Variants in GTPBP4 observed in about 807,000 individuals in gnomAD.
The protein encoded by GTPBP4 is GTP binding protein 4, also known as GTP-binding protein 4.
In GTPBP4, 15 loss-of-function variants were observed where a neutral mutation model predicts 81.7. The ratio of observed to expected loss-of-function variants is 0.18; its 90% CI spans 0.12 to 0.28. The LOEUF (loss-of-function observed/expected upper bound fraction) is 0.28, where lower values mean the gene tolerates loss of function less well. GTPBP4 is among the 10% of genes least tolerant of loss of function. The pLI is 1.00. For synonymous variants in GTPBP4, 272 were observed against 274.6 expected (o/e 0.99, Z 0.09); for missense variants, 847 against 793.8 (o/e 1.07, Z -0.81).
Position 1,007,134 on chromosome 10 carries a change from A to T in GTPBP4, c.1113+6A>T. Reference sequence around the variant, plus strand: ...CAACCAGGAGGGACGATAAGGTAAGACGGCCCCTGGGACAGCCGTGGGCTC... The same window carrying T: ...CAACCAGGAGGGACGATAAGGTAAGTCGGCCCCTGGGACAGCCGTGGGCTC... On this transcript the variant is annotated splice_donor_region_variant and intron_variant, in intron 10 of 16. Transcript: ENST00000360803. 1 of 1,500,950 alleles carries T rather than the reference A, an allele frequency of 6.7e-7. No homozygotes were observed. Among genetic ancestry groups the T allele is most frequent in the Non-Finnish European group, 9.3e-7 (1 of 1,076,660 alleles). 93.0% of individuals were successfully genotyped at this position (1,500,950 alleles called of 1,614,324 possible). A position where few individuals can be genotyped will look rare whatever the true frequency, so the allele number is the denominator to read the frequency against.
intron 16 of GTPBP4, 126 bp downstream of exon 16, chr10:1,016,022 C>G: frequency 1.2e-6 from 1 of 868,212 alleles, no homozygotes; most frequent in Non-Finnish European, 1.8e-6. Flanking sequence ...TACTGCATGC[C>G]CTCGTTTTGT....
At chr10:988,681 A>G (rs1253307754) in intron 1 of GTPBP4, 154 bp downstream of exon 1, 4 of 630,710 alleles carry the variant, frequency 6.3e-6, no homozygotes, top group Non-Finnish European at 1.1e-5. Flanking sequence ...ACTCGGGATC[A>G]TTTCCCCTCC....
chr10:1,019,056 T>C lies in GTPBP4; in HGVS notation c.*1829T>C, dbSNP rs1832041814. The C allele has an allele frequency of 6.4e-6, 1 of 157,454 alleles. No individual in the cohort carries two copies. Among genetic ancestry groups the C allele is most frequent in the Non-Finnish European group, 1.4e-5 (1 of 71,398 alleles). 9.8% of individuals were successfully genotyped at this position (157,454 alleles called of 1,614,324 possible). On this transcript the variant is annotated 3_prime_UTR_variant, in exon 17 of 17. Coordinates refer to ENST00000360803, the MANE Select transcript of GTPBP4 (RefSeq NM_012341.3). ...GATGCAAGATTGAATGTGTCTTTTTTTTAAAAATGCAGCCTTGTGTTGCAC... is the reference window on the plus strand; with the variant it reads ...GATGCAAGATTGAATGTGTCTTTTTCTTAAAAATGCAGCCTTGTGTTGCAC...
chr10:1,017,264 C>T lies in GTPBP4; in HGVS notation c.*37C>T. On this transcript the variant is annotated 3_prime_UTR_variant, in exon 17 of 17. Coordinates refer to ENST00000360803, the MANE Select transcript of GTPBP4 (RefSeq NM_012341.3). ...TTGGCGTGGCTTCGCTAGAGTGTTG[C>T]TGTTTATTTCCTGGTTTGGCACAGT... 1 of 1,586,564 alleles carries T rather than the reference C, an allele frequency of 6.3e-7. No homozygotes were observed. Among genetic ancestry groups the T allele is most frequent in the Non-Finnish European group, 8.6e-7 (1 of 1,158,208 alleles).
intron 10 of GTPBP4, 98 bp downstream of exon 10, chr10:1,007,226 C>T (rs567960372): frequency 5.8e-6 from 4 of 690,994 alleles, no homozygotes; most frequent in Admixed American, 2.2e-5. Flanking sequence ...TTCACACACT[C>T]GCAGGTGGAT....
rs372462801 is a variant in GTPBP4 at position 1,019,867 on chromosome 10, G to A, written c.*2640G>A. The A allele has an allele frequency of 2.1e-6, 3 of 1,441,780 alleles. No homozygotes were observed. The highest frequency in any genetic ancestry group is 1.7e-5 in the Admixed American group (1 of 58,238). The allele number at this position is 1,441,780 out of a possible 1,614,324, so 89.3% of individuals were successfully genotyped here. A position where few individuals can be genotyped will look rare whatever the true frequency, so the allele number is the denominator to read the frequency against. The stretch of plus-strand genomic sequence containing the variant: ...CAGAAATTGGTGCAGTGTTAACAAC[G>A]CTAATGTAAAACACAGAATTTACAG... On this transcript the variant is annotated 3_prime_UTR_variant, in exon 17 of 17. Coordinates refer to ENST00000360803, the MANE Select transcript of GTPBP4 (RefSeq NM_012341.3).
chr10:997,448 T>C (rs1438247052), intron 5 of GTPBP4, 140 bp downstream of exon 5: 1 of 695,146 alleles, frequency 1.4e-6, no homozygotes. Flanking sequence ...AGGACGGCCT[T>C]GGTAATAATT....
chr10:1,003,418 G>T (rs1049293558), intron 8 of GTPBP4, among the ~76,000 whole-genome samples: 1 of 152,134 alleles, frequency 6.6e-6, no homozygotes, highest in East Asian at 1.9e-4. Flanking sequence ...ATTAGAGTCT[G>T]TTCCTAGAGA....
At position 1,019,756 on chromosome 10, in the gene GTPBP4, T is replaced by G. The variant is rs750878157; in HGVS notation, c.*2529T>G. The G allele has an allele frequency of 6.2e-7, 1 of 1,613,882 alleles. No homozygotes were observed. The highest frequency in any genetic ancestry group is 2.2e-5 in the East Asian group (1 of 44,864). Reference sequence around the variant, plus strand: ...TTCCTCACAAGCAGAAGGTAACAAATTTCATGCTCTCCCCAAATTCTGTCT... The same window carrying G: ...TTCCTCACAAGCAGAAGGTAACAAAGTTCATGCTCTCCCCAAATTCTGTCT... On this transcript the variant is annotated 3_prime_UTR_variant, in exon 17 of 17. Coordinates refer to ENST00000360803, the MANE Select transcript of GTPBP4 (RefSeq NM_012341.3).
At chr10:997,076 C>A in intron 4 of GTPBP4, 132 bp from the exon 5 acceptor site, 1 of 686,896 alleles carries the variant, frequency 1.5e-6, no homozygotes. Context: ...TTTTCTCCAT[C>A]ACTTTTGCAT....
chr10:1,009,072 G>C (rs779370468), intron 11 of GTPBP4, 37 bp downstream of exon 11: 24 of 1,469,468 alleles, frequency 1.6e-5, no homozygotes, highest in African/African-American at 1.5e-4. Context: ...GTTCTCATGG[G>C]GGGAGGCAGG....
chr10:1,017,432 A>G lies in GTPBP4; in HGVS notation c.*205A>G, dbSNP rs1832013068. 1 of 423,750 alleles carries G rather than the reference A, an allele frequency of 2.4e-6. No individual in the cohort carries two copies. Among genetic ancestry groups the G allele is most frequent in the Non-Finnish European group, 4.2e-6 (1 of 239,414 alleles). The allele number at this position is 423,750 out of a possible 1,614,324, so 26.2% of individuals were successfully genotyped here. On this transcript the variant is annotated 3_prime_UTR_variant, in exon 17 of 17. Transcript: ENST00000360803. Reference sequence around the variant, plus strand: ...GCATAATATTACAAATATTTTGAGTAGACAGTGTTTCCACATTTAATGGAG... The same window carrying G: ...GCATAATATTACAAATATTTTGAGTGGACAGTGTTTCCACATTTAATGGAG...
At chr10:1,007,795 C>CT in intron 10 of GTPBP4, 1 of 459,266 alleles carries the variant, frequency 2.2e-6, no homozygotes, top group Non-Finnish European at 4.3e-6. Flanking sequence ...CGGGCACTGA[C>CT]TGTCAGTCTT....
chr10:996,095 A>AT lies in GTPBP4; in HGVS notation c.324-5dup, dbSNP rs1831533434. 1.9e-6 allele frequency: 3 copies of AT among 1,586,958 alleles called. No homozygotes were observed. Among genetic ancestry groups the AT allele is most frequent in the South Asian group, 2.2e-5 (2 of 88,934 alleles). On this transcript the variant is annotated splice_polypyrimidine_tract_variant and intron_variant, in intron 3 of 16. Transcript: ENST00000360803. ...GAAAGTGGAAAAAATAATATTTTTT[A>AT]TTTTTTACAGTGTTGCTAAAGATTA...
rs74992043 is a variant in GTPBP4, at chr10:1,012,008, G to C, written c.1345-457G>C. 1.1e-4 allele frequency among the ~76,000 whole-genome samples: 17 copies of C among 152,330 alleles called. No homozygotes were observed. In the South Asian group the frequency reaches 2.3e-3, roughly 20 times the overall value. ...GGCTCCTGGCCGGGTTGCCTCATTG[G>C]GGGGTGATAAACGTGTGTGTTTTAG... On this transcript the variant is annotated intron_variant, in intron 13 of 16. Transcript: ENST00000360803.
At chr10:1,015,428 T>C (rs36149094) in intron 15 of GTPBP4, among the ~76,000 whole-genome samples, 3,012 of 38,794 alleles carry the variant, frequency 0.078, 563 homozygotes, top group African/African-American at 0.092. Context: ...AGCCTGGGAG[T>C]GGACCTGGGG....
At chr10:1,007,837 T>C (rs1006376621) in intron 10 of GTPBP4, 5 of 504,036 alleles carry the variant, frequency 9.9e-6, no homozygotes, top group South Asian at 4.4e-5. Flanking sequence ...TGTGTGTTTA[T>C]GTAATGCTGG....
At position 1,019,703 on chromosome 10, in the gene GTPBP4, A is replaced by G. The variant is rs748896256; in HGVS notation, c.*2476A>G. On this transcript the variant is annotated 3_prime_UTR_variant, in exon 17 of 17. Coordinates refer to ENST00000360803, the MANE Select transcript of GTPBP4 (RefSeq NM_012341.3). ...ACAGGTAGAGGATGCTTTTCGTTTC[A>G]CTGGGATCCGGGTTCAGAGTGACGT... 13 of 1,613,798 alleles carry G rather than the reference A, an allele frequency of 8.1e-6. No individual in the cohort carries two copies. The highest frequency in any genetic ancestry group is 1.1e-5 in the Non-Finnish European group (13 of 1,180,008).
chr10:1,006,893 C>G, intron 9 of GTPBP4, 125 bp from the exon 10 acceptor site: 1 of 657,344 alleles, frequency 1.5e-6, no homozygotes, highest in South Asian at 1.7e-5. Context: ...AATGTGGCCC[C>G]CTACGTGTTA....
Sources: allele counts gnomAD v4.1 joint callset (sites outside exome capture counted in the v4.1 genomes callset), GRCh38; gene constraint gnomAD v4.1.1; transcripts MANE v1.5; gene names NCBI Gene and HGNC (gene_info 2026-07-23, HGNC 2026-07-21).